Variants in AAK1 observed in about 807,000 individuals in gnomAD.
AAK1 encodes AP2-associated protein kinase 1.
In AAK1, 37 loss-of-function variants were observed where a neutral mutation model predicts 116.0. The observed-to-expected ratio is 0.32, with a 90% CI of 0.25 to 0.42. AAK1 has a LOEUF of 0.42. Ranked by LOEUF, AAK1 falls within the 10% of genes least tolerant of loss-of-function variation. The pLI, the probability that AAK1 is intolerant of heterozygous loss-of-function variation, is 1.00. For synonymous variants in AAK1, 458 were observed against 439.9 expected, an observed-to-expected ratio of 1.04 and a Z score of -0.51; for missense variants, 919 against 1,170.6, an observed-to-expected ratio of 0.79 and a Z score of 3.14.
rs548383557 is a variant in AAK1, at chr2:69,461,856, T to G, written c.*14013A>C. The G allele has an allele frequency of 3.9e-4, 86 of 222,668 alleles. No individual in the cohort carries two copies. Among genetic ancestry groups the G allele is most frequent in the African/African-American group, 1.9e-3 (79 of 42,026 alleles). 13.8% of individuals were successfully genotyped at this position (222,668 alleles called of 1,614,324 possible). A position where few individuals can be genotyped will look rare whatever the true frequency, so the allele number is the denominator to read the frequency against. ...ATCCACCCACCTCGGCCTCCCAAAG[T>G]GCTGGGATTACAAGCGTGAGCCACC... On this transcript the variant is annotated 3_prime_UTR_variant, in exon 22 of 22. Transcript: ENST00000409085.
rs1445641734 is a variant in AAK1 at position 69,478,882 on chromosome 2, CTT to C, written c.2680+67_2680+68del. 4 of 1,317,610 alleles carry C rather than the reference CTT, an allele frequency of 3.0e-6. No homozygotes were observed. In the African/African-American group the frequency reaches 5.9e-5, roughly 19 times the overall value. 81.6% of individuals were successfully genotyped at this position (1,317,610 alleles called of 1,614,324 possible). A position where few individuals can be genotyped will look rare whatever the true frequency, so the allele number is the denominator to read the frequency against. On this transcript the variant is annotated intron_variant, in intron 20 of 21. Coordinates refer to ENST00000409085, the MANE Select transcript of AAK1 (RefSeq NM_014911.5). Reference sequence around the variant, plus strand: ...TAGTAAAGACTTTTGATAAGAAAAACTTTCAAAAGTTGTTTAGTTCTTTCCCC... The same window carrying C: ...TAGTAAAGACTTTTGATAAGAAAAACTCAAAAGTTGTTTAGTTCTTTCCCC...
intron 3 of AAK1, 44 bp from the exon 4 acceptor site, chr2:69,544,588 A>T: frequency 7.3e-7 from 1 of 1,376,560 alleles, no homozygotes; most frequent in Non-Finnish European, 1.0e-6. Flanking sequence ...TTCAGATGCC[A>T]ATAGGACAGA....
chr2:69,510,376 T>A (rs944145316), intron 13 of AAK1, among the ~76,000 whole-genome samples: 9 of 152,298 alleles, frequency 5.9e-5, no homozygotes, highest in Admixed American at 2.0e-4. Context: ...AAAGCCTCCA[T>A]CCTCCTTCTT....
At position 69,468,508 on chromosome 2, in the gene AAK1, T is replaced by G; in HGVS notation, c.*7361A>C. ...AAACTACCTTGAAAGTTGATGTTAT[T>G]AAGCTTGTTCTGCAGGAGAGCAAAA... On this transcript the variant is annotated 3_prime_UTR_variant, in exon 22 of 22. Transcript: ENST00000409085. 6.1e-6 allele frequency: 6 copies of G among 985,418 alleles called. 1 individual carries two copies. In the South Asian group the frequency reaches 2.8e-4, roughly 46 times the overall value. The allele number at this position is 985,418 out of a possible 1,614,324, so 61.0% of individuals were successfully genotyped here.
chr2:69,563,339 A>C (rs1671725476), intron 2 of AAK1, among the ~76,000 whole-genome samples: 1 of 152,166 alleles, frequency 6.6e-6, no homozygotes, highest in Non-Finnish European at 1.5e-5. Context: ...TTATCTGAGA[A>C]GTGATGGGAA....
intron 12 of AAK1, among the ~76,000 whole-genome samples, chr2:69,515,516 G>A (rs955278742): frequency 3.3e-5 from 5 of 151,900 alleles, no homozygotes; most frequent in Admixed American, 2.0e-4. Flanking sequence ...TTTTTGTAGA[G>A]ACACAGTCTC....
intron 3 of AAK1, among the ~76,000 whole-genome samples, chr2:69,548,419 TTTC>T (rs1255349478): frequency 1.1e-4 from 17 of 152,252 alleles, no homozygotes; most frequent in Middle Eastern, 3.4e-3. Context: ...CTTTCCTTCT[TTTC>T]TTTTCTTTCG....
intron 19 of AAK1, among the ~76,000 whole-genome samples, chr2:69,480,185 C>T (rs1477115476): frequency 6.7e-6 from 1 of 150,270 alleles, no homozygotes; most frequent in Admixed American, 6.6e-5. Context: ...ATGAATTTAT[C>T]CTCACATTTC....
At position 69,470,298 on chromosome 2, in the gene AAK1, T is replaced by A. The variant is rs192885417; in HGVS notation, c.*5571A>T. 60 of 985,328 alleles carry A rather than the reference T, an allele frequency of 6.1e-5. No individual in the cohort carries two copies. In the African/African-American group the frequency reaches 8.7e-4, roughly 14 times the overall value. 61.0% of individuals were successfully genotyped at this position (985,328 alleles called of 1,614,324 possible). On this transcript the variant is annotated 3_prime_UTR_variant, in exon 22 of 22. Coordinates refer to ENST00000409085, the MANE Select transcript of AAK1 (RefSeq NM_014911.5). ...TAGTTAGTAAACAGAAAGCAAAATA[T>A]CCCTTCACAAGAACTTGGAAATGCA...
chr2:69,496,481 C>G (rs531004183), intron 16 of AAK1, among the ~76,000 whole-genome samples: 22 of 152,272 alleles, frequency 1.4e-4, no homozygotes, highest in Non-Finnish European at 2.8e-4. Context: ...TCAGGCTAGT[C>G]TTGAACTCCT....
chr2:69,462,228 G>C lies in AAK1; in HGVS notation c.*13641C>G, dbSNP rs1674357611. ...CTCTGGGGACTGTTGTGGGGTGGGG[G>C]GAGGGGGGCGGGATAGCATTAGGAG... On this transcript the variant is annotated 3_prime_UTR_variant, in exon 22 of 22. Coordinates refer to ENST00000409085, the MANE Select transcript of AAK1 (RefSeq NM_014911.5). The C allele has an allele frequency of 2.8e-5, 3 of 105,796 alleles. 1 individual carries two copies. The highest frequency in any genetic ancestry group is 1.1e-4 in the African/African-American group (3 of 26,902). 6.6% of individuals were successfully genotyped at this position (105,796 alleles called of 1,614,324 possible).
intron 2 of AAK1, 83 bp downstream of exon 2, chr2:69,642,795 T>C: frequency 1.3e-6 from 2 of 1,583,586 alleles, no homozygotes; most frequent in Non-Finnish European, 8.6e-7. Context: ...TCAAAGCCCA[T>C]TCATACATGC....
intron 2 of AAK1, among the ~76,000 whole-genome samples, chr2:69,629,410 A>G (rs907032930): frequency 4.6e-5 from 7 of 152,226 alleles, no homozygotes; most frequent in African/African-American, 1.4e-4. Context: ...TATAGCTAAG[A>G]TACACCCTAT....
intron 10 of AAK1, among the ~76,000 whole-genome samples, chr2:69,523,610 G>T (rs1669884858): frequency 6.6e-6 from 1 of 152,224 alleles, no homozygotes; most frequent in South Asian, 2.1e-4. Context: ...GCTACCTCTA[G>T]AATCTGCCAT....
At chr2:69,525,572 T>C (rs1023703859) in intron 9 of AAK1, among the ~76,000 whole-genome samples, 1 of 152,230 alleles carries the variant, frequency 6.6e-6, no homozygotes, top group African/African-American at 2.4e-5. Flanking sequence ...CAAGTTAGAA[T>C]GCTCAGAGAA....
In AAK1 at chr2:69,617,435, AGATCTGT is replaced by A. The variant is rs1674385589; in HGVS notation, c.163+25436_163+25442del. 2.6e-5 allele frequency among the ~76,000 whole-genome samples: 4 copies of A among 152,294 alleles called. No individual in the cohort carries two copies. In the South Asian group the frequency reaches 8.3e-4, roughly 32 times the overall value. ...CTCTGGGCATAGTTTCTCCTTTGCA[AGATCTGT>A]GAGTTAGGCTGTTTGAATTCTAAGT... On this transcript the variant is annotated intron_variant, in intron 2 of 21. Coordinates refer to ENST00000409085, the MANE Select transcript of AAK1 (RefSeq NM_014911.5).
At chr2:69,493,882 G>C (rs1448152264) in intron 17 of AAK1, among the ~76,000 whole-genome samples, 4 of 152,154 alleles carry the variant, frequency 2.6e-5, no homozygotes, top group Non-Finnish European at 5.9e-5. Context: ...GTGGGAACAA[G>C]CTTAGCTTGT....
At chr2:69,485,458 C>T (rs1055791962) in intron 17 of AAK1, among the ~76,000 whole-genome samples, 1 of 151,810 alleles carries the variant, frequency 6.6e-6, no homozygotes, top group Admixed American at 6.6e-5. Context: ...TAAGCCTTTC[C>T]CCACCTTCCT....
At chr2:69,478,290 GTCACTTC>G (rs1674926586) in intron 20 of AAK1, among the ~76,000 whole-genome samples, 3 of 152,314 alleles carry the variant, frequency 2.0e-5, no homozygotes, top group African/African-American at 7.2e-5. Context: ...GCAGTAGATA[GTCACTTC>G]AACCATCTAC....
Sources: gnomAD v4.1 joint callset for allele counts (sites outside exome capture counted in the v4.1 genomes callset) on GRCh38, gnomAD v4.1.1 for gene constraint, MANE v1.5 for transcripts, NCBI Gene and HGNC (gene_info 2026-07-23, HGNC 2026-07-21) for gene names.